Variants in KCNK12 observed in about 807,000 individuals in gnomAD.
KCNK12 encodes potassium channel subfamily K member 12.
Under a neutral mutation model 25.3 loss-of-function variants are expected in KCNK12, and 6 were observed. The observed-to-expected ratio is 0.24, with a 90% confidence interval of 0.13 to 0.47. The LOEUF (loss-of-function observed/expected upper bound fraction) is 0.47. Among genes scored for constraint, KCNK12 ranks in the 20% least tolerant of loss-of-function variants. KCNK12 has a pLI of 0.99. For missense variants in KCNK12, 444 were observed against 661.7 expected (o/e 0.67, Z 3.61); for synonymous variants, 331 against 311.1 (o/e 1.06, Z -0.67).
At position 47,566,271 on chromosome 2, in the gene KCNK12, T is replaced by A. The variant is rs1669784968; in HGVS notation, c.391+3670A>T. 1 of 152,220 alleles carries A rather than the reference T, an allele frequency of 6.6e-6. No homozygotes were observed. Among genetic ancestry groups the A allele is most frequent in the Non-Finnish European group, 1.5e-5 (1 of 68,050 alleles). 9.4% of individuals were successfully genotyped at this position (152,220 alleles called of 1,614,324 possible). A position where few individuals can be genotyped will look rare whatever the true frequency, so the allele number is the denominator to read the frequency against. ...AAACCAAATATCAGGACAAACATTC[T>A]ACTTCATTGTGGTGTTCCATGTAAC... On this transcript the variant is annotated intron_variant, in intron 1 of 1. Transcript: ENST00000327876. The surrounding 1 kb of genome is among the most constrained non-coding windows in gnomAD (Gnocchi z 4.1).
At chr2:47,534,906 TAAAGCA>T in intron 1 of KCNK12, 1 of 213,016 alleles carries the variant, frequency 4.7e-6, no homozygotes, top group East Asian at 7.0e-5. Context: ...TGGTGGTTTG[TAAAGCA>T]ACAAATCCTG....
In KCNK12 at chr2:47,562,829, C is replaced by G. The variant is rs570227764; in HGVS notation, c.391+7112G>C. ...AACTCTGCAGAGAGTATGACCGTGT[C>G]TCTTAAAAAAACTTTGGTGAGGATC... is the stretch of plus-strand genomic sequence containing the variant. On this transcript the variant is annotated intron_variant, in intron 1 of 1. Transcript: ENST00000327876. The surrounding 1 kb of genome is among the most constrained non-coding windows in gnomAD (Gnocchi z 4.8). The G allele has an allele frequency of 3.0e-5, 7 of 233,154 alleles. No homozygotes were observed. The highest frequency in any genetic ancestry group is 1.3e-4 in the African/African-American group (6 of 45,390). 14.4% of individuals were successfully genotyped at this position (233,154 alleles called of 1,614,324 possible).
chr2:47,554,819 G>A (rs1669518292), intron 1 of KCNK12, among the ~76,000 whole-genome samples: 1 of 152,246 alleles, frequency 6.6e-6, no homozygotes, highest in South Asian at 2.1e-4. Flanking sequence ...AGCAAGAAAT[G>A]ATGGTGACAG....
Position 47,570,955 on chromosome 2 carries a change from G to A in KCNK12, c.-624C>T, listed in dbSNP as rs1175774358. The stretch of plus-strand genomic sequence containing the variant: ...CGCTCCTTTCTCAGCTCCAGCCGAA[G>A]AGCCGCCCGGCAGGGAGAGGCGGAG... On this transcript the variant is annotated 5_prime_UTR_variant, in exon 1 of 2. Coordinates refer to ENST00000327876, the MANE Select transcript of KCNK12 (RefSeq NM_022055.2). 1 of 152,192 alleles carries A rather than the reference G, an allele frequency of 6.6e-6. No homozygotes were observed. Among genetic ancestry groups the A allele is most frequent in the African/African-American group, 2.4e-5 (1 of 41,434 alleles). The allele number at this position is 152,192 out of a possible 1,614,324, so 9.4% of individuals were successfully genotyped here.
At chr2:47,524,453 C>G (rs1237032864) in intron 1 of KCNK12, among the ~76,000 whole-genome samples, 1 of 152,142 alleles carries the variant, frequency 6.6e-6, no homozygotes, top group East Asian at 1.9e-4. Flanking sequence ...AAGCTGGACA[C>G]AAAATAATAC....
At position 47,541,107 on chromosome 2, in the gene KCNK12, C is replaced by T. The variant is rs1388094919; in HGVS notation, c.392-19299G>A. Reference sequence around the variant, plus strand: ...GTTCCAATGGGAAGTGCAGAGCCACCGTGGCCATTCATTGCTGTAGAGCTG... The same window carrying T: ...GTTCCAATGGGAAGTGCAGAGCCACTGTGGCCATTCATTGCTGTAGAGCTG... On this transcript the variant is annotated intron_variant, in intron 1 of 1. Coordinates refer to ENST00000327876, the MANE Select transcript of KCNK12 (RefSeq NM_022055.2). Among the ~76,000 whole-genome samples, 4 of 152,182 alleles carry T rather than the reference C, an allele frequency of 2.6e-5. 1 individual carries two copies. The highest frequency in any genetic ancestry group is 2.6e-4 in the Admixed American group (4 of 15,278).
intron 1 of KCNK12, among the ~76,000 whole-genome samples, chr2:47,552,430 C>T (rs999598724): frequency 4.6e-5 from 7 of 152,158 alleles, no homozygotes; most frequent in African/African-American, 1.7e-4. Flanking sequence ...TGCCTTCCCC[C>T]CATTATGAGA....
In KCNK12 at chr2:47,512,065, G is replaced by C. The variant is rs190778958; in HGVS notation, c.*8842C>G. 6.6e-6 allele frequency among the ~76,000 whole-genome samples: 1 copy of C among 152,130 alleles called. No individual in the cohort carries two copies. Among genetic ancestry groups the C allele is most frequent in the Non-Finnish European group, 1.5e-5 (1 of 68,026 alleles). On this transcript the variant is annotated 3_prime_UTR_variant, in exon 2 of 2. Coordinates refer to ENST00000327876, the MANE Select transcript of KCNK12 (RefSeq NM_022055.2). ...AGCTCATGAAGTTTCTCATGGGGTGGGGTATGTGTGTTGAAGCTGCACCTT... is the reference window on the plus strand; with the variant it reads ...AGCTCATGAAGTTTCTCATGGGGTGCGGTATGTGTGTTGAAGCTGCACCTT...
intron 1 of KCNK12, among the ~76,000 whole-genome samples, chr2:47,544,088 A>G (rs925893562): frequency 6.6e-6 from 1 of 152,140 alleles, no homozygotes; most frequent in African/African-American, 2.4e-5. Flanking sequence ...CTCTCTTTCT[A>G]TTGGAGTGAC....
rs544052118 is a variant in KCNK12 at position 47,525,644 on chromosome 2, A to C, written c.392-3836T>G. Among the ~76,000 whole-genome samples the C allele has an allele frequency of 2.6e-5, 4 of 152,316 alleles. No individual in the cohort carries two copies. In the South Asian group the frequency reaches 8.3e-4, roughly 32 times the overall value. Reference sequence around the variant, plus strand: ...CAGAGGGTGACAAGTGGATACTGAAAGGAAGAGATCTGAAGAGACTGCTCA... The same window carrying C: ...CAGAGGGTGACAAGTGGATACTGAACGGAAGAGATCTGAAGAGACTGCTCA... On this transcript the variant is annotated intron_variant, in intron 1 of 1. Transcript: ENST00000327876. The surrounding 1 kb of genome is among the most constrained non-coding windows in gnomAD (Gnocchi z 4.1).
intron 1 of KCNK12, among the ~76,000 whole-genome samples, chr2:47,532,111 T>G (rs904952742): frequency 1.3e-5 from 2 of 152,052 alleles, no homozygotes; most frequent in African/African-American, 4.8e-5. Context: ...TTGCACACGG[T>G]GTAGCAGGCT....
intron 1 of KCNK12, among the ~76,000 whole-genome samples, chr2:47,532,795 C>T (rs1668963546): frequency 6.6e-6 from 1 of 152,180 alleles, no homozygotes; most frequent in Non-Finnish European, 1.5e-5. Flanking sequence ...CTTCTAGGAT[C>T]TGGTAAGCCT....
At chr2:47,542,204 T>G (rs1234811323) in intron 1 of KCNK12, among the ~76,000 whole-genome samples, 1 of 152,186 alleles carries the variant, frequency 6.6e-6, no homozygotes, top group Non-Finnish European at 1.5e-5. Flanking sequence ...CTGTCGAGGC[T>G]CTCTCTGACG....
Position 47,562,773 on chromosome 2 carries a change from C to G in KCNK12, c.391+7168G>C, listed in dbSNP as rs902926098. 6 of 233,192 alleles carry G rather than the reference C, an allele frequency of 2.6e-5. No homozygotes were observed. Among genetic ancestry groups the G allele is most frequent in the East Asian group, 6.0e-5 (1 of 16,602 alleles). The allele number at this position is 233,192 out of a possible 1,614,324, so 14.4% of individuals were successfully genotyped here. A position where few individuals can be genotyped will look rare whatever the true frequency, so the allele number is the denominator to read the frequency against. On this transcript the variant is annotated intron_variant, in intron 1 of 1. Transcript: ENST00000327876. This position sits in a 1 kb window ranked among gnomAD's most constrained non-coding sequence, Gnocchi z 4.8. The stretch of plus-strand genomic sequence containing the variant: ...TCCTGCAGTTTCAAGCCCCTCCACC[C>G]CCTGTTCCTCACCAACTCTCCCCGT...
chr2:47,521,233 GGCAGCAGCGCGC>G lies in KCNK12; in HGVS notation c.955_966del (p.Ala319_Cys322del). On this transcript the variant is annotated inframe_deletion, in exon 2 of 2. Coordinates refer to ENST00000327876, the MANE Select transcript of KCNK12 (RefSeq NM_022055.2). ...CGGGCCAGGGGCGCGCCAGGAGCCG[GGCAGCAGCGCGC>G]GCAGCAGCGGCAGCTCAGCTTGCGC... The G allele has an allele frequency of 6.2e-7, 1 of 1,601,130 alleles. No individual in the cohort carries two copies. Among genetic ancestry groups the G allele is most frequent in the Non-Finnish European group, 8.5e-7 (1 of 1,174,160 alleles).
At chr2:47,542,832 C>G (rs1669229631) in intron 1 of KCNK12, among the ~76,000 whole-genome samples, 1 of 152,258 alleles carries the variant, frequency 6.6e-6, no homozygotes, top group Non-Finnish European at 1.5e-5. Context: ...AGGTTTTCAT[C>G]ACTGGCTAGT....
intron 1 of KCNK12, among the ~76,000 whole-genome samples, chr2:47,523,399 A>G (rs1319053442): frequency 2.6e-5 from 4 of 152,226 alleles, no homozygotes; most frequent in Admixed American, 6.5e-5. Context: ...GGCCAAAGAA[A>G]GGCTCTGGCC....
At position 47,512,694 on chromosome 2, in the gene KCNK12, A is replaced by T. The variant is rs563978613; in HGVS notation, c.*8213T>A. 2.9e-5 allele frequency: 11 copies of T among 377,834 alleles called. No individual in the cohort carries two copies. In the South Asian group the frequency reaches 4.8e-4, roughly 16 times the overall value. 23.4% of individuals were successfully genotyped at this position (377,834 alleles called of 1,614,324 possible). A position where few individuals can be genotyped will look rare whatever the true frequency, so the allele number is the denominator to read the frequency against. On this transcript the variant is annotated 3_prime_UTR_variant, in exon 2 of 2. Transcript: ENST00000327876. Reference sequence around the variant, plus strand: ...CTCTGAACTCTGCTCTGCATTGCTGAGCAAACTACATTTCCCAGAACTCCT... The same window carrying T: ...CTCTGAACTCTGCTCTGCATTGCTGTGCAAACTACATTTCCCAGAACTCCT...
chr2:47,563,220 C>T (rs1669719305), intron 1 of KCNK12: 1 of 233,434 alleles, frequency 4.3e-6, no homozygotes, highest in Non-Finnish European at 8.5e-6. Flanking sequence ...CTGCCTTCTG[C>T]TCCTCAGATA....
Sources: gnomAD v4.1 joint callset for allele counts (sites outside exome capture counted in the v4.1 genomes callset) on GRCh38, gnomAD v4.1.1 for gene constraint, Gnocchi (gnomAD v3.1) non-coding constraint, MANE v1.5 for transcripts, NCBI Gene and HGNC (gene_info 2026-07-23, HGNC 2026-07-21) for gene names.